NUP62CL: variants seen among roughly 807,000 people sequenced by gnomAD.
NUP62CL encodes the protein nucleoporin 62 C-terminal like, also known as nucleoporin-62 C-terminal-like protein.
In NUP62CL, 13 loss-of-function variants were observed where a neutral mutation model predicts 15.3. The observed-to-expected ratio is 0.85, with a 90% CI of 0.55 to 1.35. The LOEUF (loss-of-function observed/expected upper bound fraction) is 1.35. Ranked by LOEUF, NUP62CL falls within the 40% of genes most tolerant of loss-of-function variation. The pLI is 0.00. For synonymous variants in NUP62CL, 54 were observed against 49.2 expected, an observed-to-expected ratio of 1.10 and a Z score of -0.41; for missense variants, 123 against 130.6, an observed-to-expected ratio of 0.94 and a Z score of 0.28.
intron 8 of NUP62CL, among the ~76,000 whole-genome samples, chrX:107,138,776 T>C (rs1295803024): frequency 8.9e-6 from 1 of 112,349 alleles, no homozygotes; most frequent in African/African-American, 3.2e-5. Context: ...AACTACCATA[T>C]GATCCAGCAA....
intron 7 of NUP62CL, among the ~76,000 whole-genome samples, chrX:107,152,630 AG>A (rs1375316440): frequency 8.9e-6 from 1 of 112,051 alleles, no homozygotes; most frequent in Non-Finnish European, 1.9e-5. Flanking sequence ...CTGTATTGAC[AG>A]AAGGTAAAGA....
At chrX:107,129,963 CTT>C (rs1209318884) in intron 8 of NUP62CL, among the ~76,000 whole-genome samples, 3 of 111,470 alleles carry the variant, frequency 2.7e-5, no homozygotes, top group African/African-American at 6.5e-5. Flanking sequence ...CAAAATTAAA[CTT>C]ATAGCAGAAA....
At chrX:107,204,003 AT>A (rs749245789) in intron 1 of NUP62CL, among the ~76,000 whole-genome samples, 11 of 110,638 alleles carry the variant, frequency 9.9e-5, no homozygotes, top group Admixed American at 3.9e-4. Context: ...AGGTTTCATT[AT>A]TTTTTTTCCC....
intron 4 of NUP62CL, among the ~76,000 whole-genome samples, chrX:107,157,218 A>G (rs1435868261): frequency 2.7e-4 from 29 of 108,010 alleles, no homozygotes; most frequent in African/African-American, 9.4e-4. Context: ...GATATTATCC[A>G]GGAGAACTTC....
At chrX:107,131,540 T>C in intron 8 of NUP62CL, 1 of 355,534 alleles carries the variant, frequency 2.8e-6, no homozygotes, top group Non-Finnish European at 5.0e-6. Flanking sequence ...TTTAAATTGC[T>C]GATTATCAGA....
Position 107,198,911 on chromosome X carries a change from T to C in NUP62CL, c.-91-5839A>G, listed in dbSNP as rs769178033. The stretch of plus-strand genomic sequence containing the variant: ...TATCAGCTGGCCCAGACAGTGAACA[T>C]AAACTGGATTTCAAACTATAATTTT... On this transcript the variant is annotated intron_variant, in intron 1 of 8. Coordinates refer to ENST00000372466, the MANE Select transcript of NUP62CL (RefSeq NM_017681.3). Among the ~76,000 whole-genome samples, 320 of 112,472 alleles carry C rather than the reference T, an allele frequency of 2.8e-3. 2 individuals carry two copies. The highest frequency in any genetic ancestry group is 9.7e-3 in the African/African-American group (301 of 30,993).
intron 8 of NUP62CL, among the ~76,000 whole-genome samples, chrX:107,145,032 G>T (rs1032052063): frequency 1.8e-5 from 2 of 111,475 alleles, no homozygotes; most frequent in African/African-American, 6.5e-5. Context: ...GCCTTGACTT[G>T]AACCCGTATC....
At chrX:107,152,114 T>A (rs747894101) in intron 7 of NUP62CL, among the ~76,000 whole-genome samples, 1 of 49,615 alleles carries the variant, frequency 2.0e-5, no homozygotes, top group Non-Finnish European at 3.2e-5. Flanking sequence ...ATATATATAT[T>A]CAGATATATA....
intron 8 of NUP62CL, among the ~76,000 whole-genome samples, chrX:107,134,266 C>T: frequency 9.0e-6 from 1 of 111,476 alleles, no homozygotes. Context: ...TTATTCACAC[C>T]CTTTGATACT....
At chrX:107,204,677 C>CATTTTAAAAAAATTATTTATTTAAATAA (rs1569368938) in intron 1 of NUP62CL, among the ~76,000 whole-genome samples, 1 of 62,464 alleles carries the variant, frequency 1.6e-5, no homozygotes, top group Non-Finnish European at 3.4e-5. Flanking sequence ...GGGCAATCTG[C>CATTTTAAAAAAATTATTTATTTAAATAA]ATTTTAAATA....
chrX:107,137,138 T>C (rs1211489046), intron 8 of NUP62CL, among the ~76,000 whole-genome samples: 4 of 112,196 alleles, frequency 3.6e-5, no homozygotes, highest in African/African-American at 1.3e-4. Context: ...AGAAAAATCA[T>C]GATTATGTCA....
At chrX:107,176,163 A>T (rs1926777835) in intron 2 of NUP62CL, among the ~76,000 whole-genome samples, 1 of 111,131 alleles carries the variant, frequency 9.0e-6, no homozygotes, top group Admixed American at 9.6e-5. Context: ...TTTGAAACAG[A>T]GTGTGAGGAC....
rs183674348 is a variant in NUP62CL at position 107,152,762 on chromosome X, T to C, written c.530+410A>G. ...TGCCTTTAAAATAGCAAATGATTTA[T>C]CACTAAAGCAATTGCATGACTATTA... On this transcript the variant is annotated intron_variant, in intron 7 of 8. Transcript: ENST00000372466. Among the ~76,000 whole-genome samples the C allele has an allele frequency of 8.0e-5, 9 of 112,163 alleles. No individual in the cohort carries two copies. The East Asian group carries it at 2.0e-3, about 24-fold the overall frequency.
At chrX:107,149,565 A>G (rs749124308) in intron 7 of NUP62CL, among the ~76,000 whole-genome samples, 2 of 112,247 alleles carry the variant, frequency 1.8e-5, no homozygotes, top group Non-Finnish European at 3.8e-5. Context: ...CAAGACCCAG[A>G]GAGATTAAAT....
chrX:107,179,014 G>A (rs762363227), intron 2 of NUP62CL, among the ~76,000 whole-genome samples: 43 of 108,251 alleles, frequency 4.0e-4, no homozygotes, highest in Non-Finnish European at 6.3e-4. Flanking sequence ...AGAATCGCTT[G>A]AAACCAGGAG....
rs188117340 is a variant in NUP62CL at position 107,178,360 on chromosome X, A to G, written c.-47-3167T>C. 8.9e-5 allele frequency among the ~76,000 whole-genome samples: 10 copies of G among 112,309 alleles called. No individual in the cohort carries two copies. In the East Asian group the frequency reaches 2.5e-3, roughly 28 times the overall value. On this transcript the variant is annotated intron_variant, in intron 2 of 8. Transcript: ENST00000372466. ...ATGAAGGTCTGGAATAAATTTTCAGAAAACAGATTACCTGCCTCTTTAAAA... is the reference window on the plus strand; with the variant it reads ...ATGAAGGTCTGGAATAAATTTTCAGGAAACAGATTACCTGCCTCTTTAAAA...
At chrX:107,162,727 A>G (rs1926417698) in intron 4 of NUP62CL, among the ~76,000 whole-genome samples, 1 of 112,246 alleles carries the variant, frequency 8.9e-6, no homozygotes, top group South Asian at 3.7e-4. Context: ...AAATGAAAAC[A>G]GAAGACTTGG....
At chrX:107,125,905 A>C (rs1277143757) in intron 8 of NUP62CL, among the ~76,000 whole-genome samples, 1 of 112,099 alleles carries the variant, frequency 8.9e-6, no homozygotes, top group East Asian at 2.8e-4. Context: ...TTCTAATTGA[A>C]TTCCCAGGAC....
chrX:107,132,215 T>C lies in NUP62CL; in HGVS notation c.*43-7883A>G, dbSNP rs1925534246. ...GAAATAGAAGATTCTGGTCCTCTTA[T>C]TGATATACCTTCTGAGAAAGTTCTG... On this transcript the variant is annotated intron_variant, in intron 8 of 8. Coordinates refer to ENST00000372466, the MANE Select transcript of NUP62CL (RefSeq NM_017681.3). 5.5e-6 allele frequency: 6 copies of C among 1,090,806 alleles called. No individual in the cohort carries two copies. The Admixed American group carries it at 6.7e-5, about 12-fold the overall frequency. The allele number at this position is 1,090,806 out of a possible 1,213,427, so 89.9% of individuals were successfully genotyped here. A position where few individuals can be genotyped will look rare whatever the true frequency, so the allele number is the denominator to read the frequency against.
Sources: gnomAD v4.1 joint callset for allele counts (sites outside exome capture counted in the v4.1 genomes callset) on GRCh38, gnomAD v4.1.1 for gene constraint, MANE v1.5 for transcripts, NCBI Gene and HGNC (gene_info 2026-07-23, HGNC 2026-07-21) for gene names.